Variants in GRID1 observed in about 807,000 individuals in gnomAD.
The protein encoded by GRID1 is glutamate receptor ionotropic, delta-1.
A neutral mutation model predicts 98.0 loss-of-function variants in GRID1; 28 were observed. The ratio of observed to expected loss-of-function variants is 0.29; its 90% CI spans 0.21 to 0.39. GRID1 has a LOEUF of 0.39. Among genes scored for constraint, GRID1 ranks in the 10% least tolerant of loss-of-function variants. The pLI is 1.00. For synonymous variants in GRID1, 553 were observed against 538.5 expected (o/e 1.03, Z -0.37); for missense variants, 1,111 against 1,340.5 (o/e 0.83, Z 2.67).
chr10:86,048,292 G>A (rs538114419), intron 4 of GRID1, among the ~76,000 whole-genome samples: 1 of 152,132 alleles, frequency 6.6e-6, no homozygotes, highest in Non-Finnish European at 1.5e-5. Context: ...AGGATCACTT[G>A]AGTGCCCATC....
chr10:86,025,629 G>C (rs1247474969), intron 4 of GRID1, among the ~76,000 whole-genome samples: 2 of 152,140 alleles, frequency 1.3e-5, no homozygotes, highest in Admixed American at 6.6e-5. Flanking sequence ...ACTCAGAGAG[G>C]GTGGATGTTT....
At chr10:86,064,338 G>A (rs1300409370) in intron 4 of GRID1, among the ~76,000 whole-genome samples, 5 of 152,204 alleles carry the variant, frequency 3.3e-5, no homozygotes, top group South Asian at 2.1e-4. Context: ...TGAGCACAAC[G>A]TCTGTGATGA....
At chr10:86,080,831 A>G (rs371553768) in intron 4 of GRID1, among the ~76,000 whole-genome samples, 24 of 152,198 alleles carry the variant, frequency 1.6e-4, no homozygotes, top group African/African-American at 5.5e-4. Flanking sequence ...TTGGACCGCC[A>G]GATTTTACCA....
At chr10:86,078,689 G>A (rs1843920998) in intron 4 of GRID1, among the ~76,000 whole-genome samples, 1 of 152,248 alleles carries the variant, frequency 6.6e-6, no homozygotes, top group Admixed American at 6.5e-5. Context: ...ACGCTTGGGG[G>A]CCTAGGGCTG....
Position 85,869,138 on chromosome 10 carries a change from G to A in GRID1, c.823C>T (p.Leu275Phe), listed in dbSNP as rs546907624. The change falls in exon 6 of 16, where the codon CTT becomes TTT. Residue 275 changes from leucine to phenylalanine, a missense_variant. Transcript: ENST00000327946. Reference protein sequence around the residue: ...PEILDLVHSALGRMTVVRQIF... With the variant: ...PEILDLVHSAFGRMTVVRQIF... ...TGCCGGACCACGGTCATCCTTCCAA[G>A]GGCACTATGGACCAGATCCAGGATC... is the stretch of plus-strand genomic sequence containing the variant. 2.5e-6 allele frequency: 4 copies of A among 1,613,916 alleles called. No individual in the cohort carries two copies. The South Asian group carries it at 3.3e-5, about 13-fold the overall frequency.
intron 4 of GRID1, among the ~76,000 whole-genome samples, chr10:86,106,860 A>C (rs1327957383): frequency 6.6e-6 from 1 of 152,040 alleles, no homozygotes; most frequent in African/African-American, 2.4e-5. Context: ...GGGATAGAGA[A>C]TGGAGCTGGG....
At chr10:86,363,610 G>T (rs1848632653) in intron 2 of GRID1, among the ~76,000 whole-genome samples, 1 of 152,120 alleles carries the variant, frequency 6.6e-6, no homozygotes, top group African/African-American at 2.4e-5. Context: ...CCCAAACACC[G>T]AGAAACAAAG....
chr10:85,670,851 T>G lies in GRID1; in HGVS notation c.1998-23454A>C, dbSNP rs180682111. 2.4e-3 allele frequency among the ~76,000 whole-genome samples: 360 copies of G among 152,346 alleles called. 3 individuals carry two copies. The highest frequency in any genetic ancestry group is 3.4e-3 in the Middle Eastern group (1 of 292). On this transcript the variant is annotated intron_variant, in intron 12 of 15. Transcript: ENST00000327946. ...CAAATTCTCTTCCCTCTGCTTTGCCTATGTGCATCCAGTCATAGATGGTTT... is the reference window on the plus strand; with the variant it reads ...CAAATTCTCTTCCCTCTGCTTTGCCGATGTGCATCCAGTCATAGATGGTTT...
Position 86,366,586 on chromosome 10 carries a change from T to C in GRID1, c.-194A>G, listed in dbSNP as rs1298674489. ...CCCAGCCCAGCCCAGCCCAGCGCGG[T>C]CGGGCTCCCGCTCCGGCTCCGGTGG... On this transcript the variant is annotated 5_prime_UTR_variant, in exon 1 of 16. Transcript: ENST00000327946. The surrounding 1 kb of genome is among the most constrained non-coding windows in gnomAD (Gnocchi z 4.1). The C allele has an allele frequency of 9.5e-6, 2 of 211,454 alleles. No individual in the cohort carries two copies. Among genetic ancestry groups the C allele is most frequent in the Non-Finnish European group, 1.8e-5 (2 of 108,932 alleles). 13.1% of individuals were successfully genotyped at this position (211,454 alleles called of 1,614,324 possible). A position where few individuals can be genotyped will look rare whatever the true frequency, so the allele number is the denominator to read the frequency against.
In GRID1 at chr10:85,625,815, T is replaced by G. The variant is rs550109445; in HGVS notation, c.2194-5782A>C. On this transcript the variant is annotated intron_variant, in intron 13 of 15. Coordinates refer to ENST00000327946, the MANE Select transcript of GRID1 (RefSeq NM_017551.3). ...TAAAAGAAGCCACAAGTGAGCTGATTGGATGACTTGCTTGTGTTCCATGAC... is the reference window on the plus strand; with the variant it reads ...TAAAAGAAGCCACAAGTGAGCTGATGGGATGACTTGCTTGTGTTCCATGAC... Among the ~76,000 whole-genome samples the G allele has an allele frequency of 5.0e-4, 76 of 152,370 alleles. 1 individual carries two copies. In the South Asian group the frequency reaches 5.6e-3, roughly 11 times the overall value.
rs1015143914 is a variant in GRID1, at chr10:86,221,415, C to G, written c.236-14767G>C. Among the ~76,000 whole-genome samples, 75 of 152,202 alleles carry G rather than the reference C, an allele frequency of 4.9e-4. 3 individuals are homozygous for G. Among genetic ancestry groups the G allele is most frequent in the Non-Finnish European group, 4.4e-5 (3 of 68,040 alleles). On this transcript the variant is annotated intron_variant, in intron 2 of 15. Coordinates refer to ENST00000327946, the MANE Select transcript of GRID1 (RefSeq NM_017551.3). Reference sequence around the variant, plus strand: ...GAAACCCCCCACAAAACTCCTCAAGCACGCCGTGCTGGGAACACAGAACTG... The same window carrying G: ...GAAACCCCCCACAAAACTCCTCAAGGACGCCGTGCTGGGAACACAGAACTG...
intron 4 of GRID1, among the ~76,000 whole-genome samples, chr10:85,980,667 A>T (rs1359289464): frequency 6.6e-6 from 1 of 152,152 alleles, no homozygotes; most frequent in East Asian, 1.9e-4. Context: ...GGTTGGTAAG[A>T]GAGTAATAAA....
intron 12 of GRID1, among the ~76,000 whole-genome samples, chr10:85,678,966 T>G (rs535017124): frequency 8.6e-5 from 13 of 151,844 alleles, no homozygotes; most frequent in African/African-American, 2.9e-4. Flanking sequence ...TAACATGCAT[T>G]ATTATAGGTA....
intron 4 of GRID1, among the ~76,000 whole-genome samples, chr10:86,059,430 T>C (rs1212794519): frequency 1.3e-5 from 2 of 152,254 alleles, no homozygotes; most frequent in African/African-American, 4.8e-5. Context: ...ATCCTTAGAT[T>C]TGCGCATTCA....
intron 2 of GRID1, among the ~76,000 whole-genome samples, chr10:86,271,551 T>C (rs943299920): frequency 2.6e-5 from 4 of 152,230 alleles, no homozygotes; most frequent in Non-Finnish European, 5.9e-5. Flanking sequence ...GTTCAAACGT[T>C]AAGTAGAGAC....
intron 4 of GRID1, among the ~76,000 whole-genome samples, chr10:86,071,672 C>G (rs915544385): frequency 6.6e-6 from 1 of 152,246 alleles, no homozygotes; most frequent in Admixed American, 6.5e-5. Flanking sequence ...TCATTACCTG[C>G]CAGGTTCTGT....
chr10:86,142,602 C>G (rs1358780124), intron 3 of GRID1, among the ~76,000 whole-genome samples: 1 of 152,270 alleles, frequency 6.6e-6, no homozygotes, highest in African/African-American at 2.4e-5. Flanking sequence ...CATTTACAAG[C>G]TTCTGCTCCT....
chr10:86,297,335 T>G (rs965491263), intron 2 of GRID1, among the ~76,000 whole-genome samples: 2 of 152,124 alleles, frequency 1.3e-5, no homozygotes, highest in Admixed American at 6.5e-5. Context: ...ATACAAGAAT[T>G]TAATGCATTA....
chr10:85,639,924 T>C (rs951962741), intron 13 of GRID1, among the ~76,000 whole-genome samples: 1 of 152,214 alleles, frequency 6.6e-6, no homozygotes, highest in Non-Finnish European at 1.5e-5. Context: ...GATGCTAAGA[T>C]AGTTTGCTGA....
Sources: gnomAD v4.1 joint callset for allele counts (sites outside exome capture counted in the v4.1 genomes callset) on GRCh38, gnomAD v4.1.1 for gene constraint, Gnocchi (gnomAD v3.1) non-coding constraint, MANE v1.5 for transcripts, NCBI Gene and HGNC (gene_info 2026-07-23, HGNC 2026-07-21) for gene names.